The following TMEM94 variants were observed in gnomAD, a reference collection of about 807,000 sequenced individuals.
TMEM94 encodes ER Mg2+ ATPase.
Under a neutral mutation model 158.6 loss-of-function variants are expected in TMEM94, and 81 were observed. The observed-to-expected ratio is 0.51, with a 90% CI of 0.43 to 0.61. The LOEUF (loss-of-function observed/expected upper bound fraction) is 0.61, where lower values mean the gene tolerates loss of function less well. Ranked by LOEUF, TMEM94 falls within the 20% of genes least tolerant of loss-of-function variation. The pLI, the probability that TMEM94 is intolerant of heterozygous loss-of-function variation, is 0.00. For synonymous variants in TMEM94, 751 were observed against 730.7 expected (o/e 1.03, Z -0.45); for missense variants, 1,435 against 1,762.0 (o/e 0.81, Z 3.32).
intron 5 of TMEM94, 50 bp downstream of exon 5, chr17:75,486,476 A>T: frequency 6.2e-7 from 1 of 1,611,358 alleles, no homozygotes; most frequent in Non-Finnish European, 8.5e-7. Context: ...CGGACATATC[A>T]GAGCCCTGAG....
Position 75,493,709 on chromosome 17 carries a change from C to A in TMEM94, c.2200C>A (p.Leu734Met). 2 of 1,613,992 alleles carry A rather than the reference C, an allele frequency of 1.2e-6. No homozygotes were observed. ...CTGCTTCCCTGGCAGAAAGAAAGTG[C>A]TGGACTTCTACCAGCGAGCCTGCCT... ...PLSGSDRKKVLDFYQRACLSG... is the reference protein window; with the variant it reads ...PLSGSDRKKVMDFYQRACLSG... The change falls in exon 18 of 32, where the codon CTG becomes ATG. Residue 734 changes from leucine (L) to methionine (M), a missense_variant. Leu to Met is a conservative substitution (Grantham distance 15). Around this residue, in one of 3 missense-constraint regions of TMEM94, gnomAD observed 1,051 missense variants for 1,254.4 expected, o/e 0.84. Coordinates refer to ENST00000314256, the MANE Select transcript of TMEM94 (RefSeq NM_014738.6).
chr17:75,464,676 C>CTTTCTTTCTTTCT (rs2050236400), intron 1 of TMEM94, among the ~76,000 whole-genome samples: 2 of 59,950 alleles, frequency 3.3e-5, no homozygotes, highest in African/African-American at 2.8e-4. Flanking sequence ...TCCTTCCTTC[C>CTTTCTTTCTTTCT]TTCTTTCTTT....
chr17:75,482,515 AATAT>A (rs201610153), intron 2 of TMEM94, among the ~76,000 whole-genome samples: 4,588 of 134,404 alleles, frequency 0.034, 101 homozygotes, highest in Middle Eastern at 0.092. Context: ...TCAATTTAAA[AATAT>A]ATATATATGT....
intron 4 of TMEM94, 30 bp from the exon 5 acceptor site, chr17:75,486,260 G>A (rs760975949): frequency 1.2e-6 from 2 of 1,613,332 alleles, no homozygotes; most frequent in Non-Finnish European, 1.7e-6. Flanking sequence ...CTCACTCCCT[G>A]TGGGTGCGGC....
Position 75,500,433 on chromosome 17 carries a change from T to C in TMEM94, c.*1099T>C, listed in dbSNP as rs1156587449. On this transcript the variant is annotated 3_prime_UTR_variant, in exon 32 of 32. Transcript: ENST00000314256. ...GTGTCCTCTCAGGCAGTTGATAGAA[T>C]AAATTCCATTTAAAATATATGCATT... The C allele has an allele frequency of 6.5e-6, 1 of 152,860 alleles. No homozygotes were observed. The highest frequency in any genetic ancestry group is 1.5e-5 in the Non-Finnish European group (1 of 68,518). 9.5% of individuals were successfully genotyped at this position (152,860 alleles called of 1,614,324 possible).
chr17:75,470,446 C>G (rs2050454707), intron 1 of TMEM94, among the ~76,000 whole-genome samples: 1 of 152,124 alleles, frequency 6.6e-6, no homozygotes, highest in Non-Finnish European at 1.5e-5. Context: ...TGGCTCACGC[C>G]TGTAATCCCA....
chr17:75,473,162 G>A (rs2050559583), intron 2 of TMEM94, among the ~76,000 whole-genome samples: 2 of 152,190 alleles, frequency 1.3e-5, no homozygotes, highest in African/African-American at 4.8e-5. Flanking sequence ...GCTGGCACCA[G>A]GCTGGCTGAC....
Position 75,487,034 on chromosome 17 carries a change from C to G in TMEM94, c.409+608C>G, listed in dbSNP as rs1245285019. Among the ~76,000 whole-genome samples the G allele has an allele frequency of 6.6e-6, 1 of 152,160 alleles. No individual in the cohort carries two copies. The highest frequency in any genetic ancestry group is 1.5e-5 in the Non-Finnish European group (1 of 68,012). ...CAGCACCCACTCATGAGACCTTTCT[C>G]CAACAGACCTGGGCAGTGGACGTTT... On this transcript the variant is annotated intron_variant, in intron 5 of 31. Transcript: ENST00000314256. This position sits in a 1 kb window ranked among gnomAD's most constrained non-coding sequence, Gnocchi z 4.6.
chr17:75,489,119 C>A lies in TMEM94; in HGVS notation c.765-147C>A. The A allele has an allele frequency of 1.1e-6, 1 of 918,840 alleles. No individual in the cohort carries two copies. Among genetic ancestry groups the A allele is most frequent in the Non-Finnish European group, 1.7e-6 (1 of 596,766 alleles). The allele number at this position is 918,840 out of a possible 1,614,324, so 56.9% of individuals were successfully genotyped here. Reference sequence around the variant, plus strand: ...CTGAGGGGACAGCTCTGGAGGTGAACACGGGCTAGGGCCAGGGCAGAGCGT... The same window carrying A: ...CTGAGGGGACAGCTCTGGAGGTGAAAACGGGCTAGGGCCAGGGCAGAGCGT... On this transcript the variant is annotated intron_variant, in intron 7 of 31. Coordinates refer to ENST00000314256, the MANE Select transcript of TMEM94 (RefSeq NM_014738.6). This position sits in a 1 kb window ranked among gnomAD's most constrained non-coding sequence, Gnocchi z 5.0.
intron 2 of TMEM94, among the ~76,000 whole-genome samples, chr17:75,475,245 G>T (rs2050637807): frequency 6.6e-6 from 1 of 152,184 alleles, no homozygotes; most frequent in Non-Finnish European, 1.5e-5. Flanking sequence ...CCTCTGGACT[G>T]CCCGGGCCCT....
Position 75,491,209 on chromosome 17 carries a change from C to G in TMEM94, c.1233+56C>G. 1 of 1,593,792 alleles carries G rather than the reference C, an allele frequency of 6.3e-7. No individual in the cohort carries two copies. Among genetic ancestry groups the G allele is most frequent in the Non-Finnish European group, 8.6e-7 (1 of 1,167,106 alleles). ...CTGTCATGCCCGCCCTGCTCTCTGG[C>G]TGGGCCTGGGCTGCCCACCTGCCGC... On this transcript the variant is annotated intron_variant, in intron 12 of 31. Coordinates refer to ENST00000314256, the MANE Select transcript of TMEM94 (RefSeq NM_014738.6). The surrounding 1 kb of genome is among the most constrained non-coding windows in gnomAD (Gnocchi z 5.1).
rs764609589 is a variant in TMEM94, at chr17:75,486,262, G to C, written c.273-28G>C. 1.9e-6 allele frequency: 3 copies of C among 1,613,432 alleles called. No individual in the cohort carries two copies. The South Asian group carries it at 3.3e-5, about 18-fold the overall frequency. ...GGGTGGGCGAGCCCTCACTCCCTGT[G>C]GGTGCGGCCTCTCTTTCCTCCCACC... On this transcript the variant is annotated intron_variant, in intron 4 of 31. Coordinates refer to ENST00000314256, the MANE Select transcript of TMEM94 (RefSeq NM_014738.6).
At chr17:75,481,656 T>C (rs2051168701) in intron 2 of TMEM94, among the ~76,000 whole-genome samples, 3 of 152,212 alleles carry the variant, frequency 2.0e-5, no homozygotes, top group Admixed American at 2.0e-4. Context: ...GGCAGGACTC[T>C]GGGAGACAGA....
Position 75,493,864 on chromosome 17 carries a change from C to T in TMEM94, c.2355C>T (p.Pro785=), listed in dbSNP as rs1277491647. 2 of 1,612,788 alleles carry T rather than the reference C, an allele frequency of 1.2e-6. No individual in the cohort carries two copies. The highest frequency in any genetic ancestry group is 2.2e-5 in the East Asian group (1 of 44,880). Residue 785 remains proline (P), a synonymous_variant, in exon 18 of 32, where the codon CCC becomes CCT. Coordinates refer to ENST00000314256, the MANE Select transcript of TMEM94 (RefSeq NM_014738.6). The part of the protein sequence containing the change: ...QSSIFTMCEL[P]STIPIKQNAR... ...GCATCTTCACCATGTGCGAGCTGCCCAGCACCATCCCCATCAAGCAGAACG... is the reference window on the plus strand; with the variant it reads ...GCATCTTCACCATGTGCGAGCTGCCTAGCACCATCCCCATCAAGCAGAACG...
chr17:75,467,528 T>C (rs933090275), intron 1 of TMEM94, among the ~76,000 whole-genome samples: 4 of 139,228 alleles, frequency 2.9e-5, no homozygotes, highest in African/African-American at 5.3e-5. Flanking sequence ...TTCTTTTTTT[T>C]TTTTTTTTTT....
Position 75,494,825 on chromosome 17 carries a change from C to G in TMEM94, c.2589+17C>G. 1 of 1,613,082 alleles carries G rather than the reference C, an allele frequency of 6.2e-7. No individual in the cohort carries two copies. The highest frequency in any genetic ancestry group is 1.3e-5 in the African/African-American group (1 of 75,046). ...AAAAGCAAGGTGGGGAGAGCCATCCCTTCTGCCACCACTAACTCTGTTTCC... is the reference window on the plus strand; with the variant it reads ...AAAAGCAAGGTGGGGAGAGCCATCCGTTCTGCCACCACTAACTCTGTTTCC... On this transcript the variant is annotated intron_variant, in intron 19 of 31. Coordinates refer to ENST00000314256, the MANE Select transcript of TMEM94 (RefSeq NM_014738.6).
intron 2 of TMEM94, among the ~76,000 whole-genome samples, chr17:75,474,871 C>T (rs899185931): frequency 1.3e-5 from 2 of 152,216 alleles, no homozygotes; most frequent in East Asian, 3.9e-4. Context: ...CCACAGTGGC[C>T]CTGCTGTGGC....
In TMEM94 at chr17:75,485,423, T is replaced by C. The variant is rs1189714782; in HGVS notation, c.25-5T>C. On this transcript the variant is annotated splice_region_variant and splice_polypyrimidine_tract_variant and intron_variant, in intron 2 of 31. Coordinates refer to ENST00000314256, the MANE Select transcript of TMEM94 (RefSeq NM_014738.6). The surrounding 1 kb of genome is among the most constrained non-coding windows in gnomAD (Gnocchi z 5.5). ...TGACGCCCAGCGCCTCCTGCTTGCC[T>C]GCAGGGCGAGCCTCCCTCAGCCCTG... The C allele has an allele frequency of 5.6e-6, 9 of 1,608,854 alleles. No homozygotes were observed. The highest frequency in any genetic ancestry group is 7.7e-6 in the Non-Finnish European group (9 of 1,175,980).
intron 27 of TMEM94, 124 bp downstream of exon 27, chr17:75,497,986 G>T (rs1406316434): frequency 6.9e-6 from 8 of 1,167,612 alleles, no homozygotes; most frequent in Non-Finnish European, 6.2e-6. Context: ...CCGGCACTTG[G>T]TTCCTAGTCT....
Sources: gnomAD v4.1 joint callset for allele counts (sites outside exome capture counted in the v4.1 genomes callset) on GRCh38, gnomAD v4.1.1 for gene constraint, gnomAD v4.1.1 regional missense constraint, Gnocchi (gnomAD v3.1) non-coding constraint, MANE v1.5 for transcripts, NCBI Gene and HGNC (gene_info 2026-07-23, HGNC 2026-07-21) for gene names.